The following PGM2 variants were observed in gnomAD, a reference collection of about 807,000 sequenced individuals.
PGM2 encodes the protein phosphoglucomutase 2, also known as phosphopentomutase.
PGM2 carries 57 observed loss-of-function variants against 74.6 expected under a neutral mutation model. The observed-to-expected ratio is 0.76, with a 90% CI of 0.62 to 0.95. PGM2 has a LOEUF of 0.95. Ranked by LOEUF, PGM2 falls within the 40% of genes least tolerant of loss-of-function variation. The pLI, the probability that PGM2 is intolerant of heterozygous loss-of-function variation, is 0.00. For missense variants in PGM2, 706 were observed against 741.9 expected, an observed-to-expected ratio of 0.95 and a Z score of 0.56; for synonymous variants, 273 against 260.7, an observed-to-expected ratio of 1.05 and a Z score of -0.46.
chr4:37,850,132 C>T, intron 11 of PGM2, 52 bp from the exon 12 acceptor site: 1 of 1,044,428 alleles, frequency 9.6e-7, no homozygotes. Flanking sequence ...TCTGTGTCCA[C>T]CCTACAAAAT....
At chr4:37,827,534 G>C (rs1173976744) in intron 1 of PGM2, among the ~76,000 whole-genome samples, 1 of 151,960 alleles carries the variant, frequency 6.6e-6, no homozygotes, top group African/African-American at 2.4e-5. Flanking sequence ...CTGCTCTCCT[G>C]CTGAACTTGT....
At chr4:37,838,091 C>T (rs771088793) in intron 4 of PGM2, among the ~76,000 whole-genome samples, 1 of 152,122 alleles carries the variant, frequency 6.6e-6, no homozygotes, top group Non-Finnish European at 1.5e-5. Flanking sequence ...ACGTTGGCCA[C>T]GCTAGTCTCG....
intron 12 of PGM2, among the ~76,000 whole-genome samples, chr4:37,853,671 C>T (rs180880855): frequency 6.6e-6 from 1 of 152,124 alleles, no homozygotes; most frequent in African/African-American, 2.4e-5. Flanking sequence ...AGGGGATCCC[C>T]CTGATTTAAT....
At position 37,837,534 on chromosome 4, in the gene PGM2, C is replaced by T. The variant is rs746878882; in HGVS notation, c.362C>T (p.Ala121Val). 30 of 1,608,456 alleles carry T rather than the reference C, an allele frequency of 1.9e-5. No homozygotes were observed. In the South Asian group the frequency reaches 3.3e-4, roughly 18 times the overall value. ...CTGTCACTCTGCATTCTCAGGTTTGCCCGACTTGCTGCAACCACATTTATC... is the reference window on the plus strand; with the variant it reads ...CTGTCACTCTGCATTCTCAGGTTTGTCCGACTTGCTGCAACCACATTTATC... ...PSSGGSSRRF[A>V]RLAATTFISQ... The change falls in exon 4 of 14, where the codon GCC (alanine) becomes GTC (valine). Residue 121 changes from alanine to valine, a missense_variant. Physicochemically the swap from Ala to Val is moderately conservative, Grantham distance 64 (BLOSUM62 0). Around this residue, in one of 3 missense-constraint regions of PGM2, gnomAD observed 332 missense variants for 334.9 expected, o/e 0.99. Coordinates refer to ENST00000381967, the MANE Select transcript of PGM2 (RefSeq NM_018290.4).
At chr4:37,827,943 T>G (rs1440081760) in intron 1 of PGM2, among the ~76,000 whole-genome samples, 2 of 152,188 alleles carry the variant, frequency 1.3e-5, no homozygotes, top group African/African-American at 4.8e-5. Context: ...TCTCACTACC[T>G]TGGTTTGTAG....
chr4:37,849,494 C>T (rs1725976665), intron 11 of PGM2, among the ~76,000 whole-genome samples: 1 of 145,260 alleles, frequency 6.9e-6, no homozygotes, highest in Middle Eastern at 3.6e-3. Flanking sequence ...TTACTGCAAC[C>T]TCTGCCTCCT....
chr4:37,853,975 C>T (rs1376126895), intron 12 of PGM2, among the ~76,000 whole-genome samples: 6 of 152,212 alleles, frequency 3.9e-5, no homozygotes, highest in Non-Finnish European at 5.9e-5. Flanking sequence ...TCCACCCCTG[C>T]CTCACATCTG....
At chr4:37,837,107 G>A (rs929546708) in intron 3 of PGM2, among the ~76,000 whole-genome samples, 2 of 152,154 alleles carry the variant, frequency 1.3e-5, no homozygotes, top group Non-Finnish European at 2.9e-5. Flanking sequence ...CCTACTAGCT[G>A]CCAGTAGCAA....
intron 3 of PGM2, among the ~76,000 whole-genome samples, chr4:37,836,610 A>T (rs1312681595): frequency 6.6e-6 from 1 of 152,192 alleles, no homozygotes; most frequent in Non-Finnish European, 1.5e-5. Context: ...CGGCGAAGCT[A>T]GTGCCCAAGA....
intron 13 of PGM2, among the ~76,000 whole-genome samples, chr4:37,857,846 A>G (rs954626864): frequency 1.3e-5 from 2 of 152,312 alleles, no homozygotes; most frequent in African/African-American, 4.8e-5. Flanking sequence ...TTTCGTGTGC[A>G]TTAGATAGTA....
intron 12 of PGM2, among the ~76,000 whole-genome samples, chr4:37,854,698 T>A (rs1157510310): frequency 6.6e-6 from 1 of 151,824 alleles, no homozygotes; most frequent in African/African-American, 2.4e-5. Context: ...AAAAACTCCT[T>A]ATGGAATTTT....
At chr4:37,843,674 A>G (rs867089839) in intron 6 of PGM2, among the ~76,000 whole-genome samples, 3 of 151,510 alleles carry the variant, frequency 2.0e-5, no homozygotes, top group Admixed American at 6.6e-5. Flanking sequence ...CAGTGGCACA[A>G]TCTCGGCTCA....
intron 12 of PGM2, among the ~76,000 whole-genome samples, chr4:37,851,978 T>TTTTTTTTTTTTTTTGTG (rs1434216572): frequency 6.8e-6 from 1 of 147,696 alleles, no homozygotes; most frequent in African/African-American, 2.5e-5. Context: ...TTCTTTTTTT[T>TTTTTTTTTTTTTTTGTG]TGGAGACAGG....
chr4:37,854,295 A>G (rs531646014), intron 12 of PGM2, among the ~76,000 whole-genome samples: 3 of 152,098 alleles, frequency 2.0e-5, no homozygotes, highest in South Asian at 4.2e-4. Flanking sequence ...TTCTTTTCTA[A>G]CCAGTAAATT....
Position 37,855,687 on chromosome 4 carries a change from G to A in PGM2, c.1682G>A (p.Gly561Glu). ...GGCGTGGCCACCATGCGCACCAGTG[G>A]GACAGAGCCCAAAATCAAGTACTAT... ...NGGVATMRTSGTEPKIKYYAE... is the reference protein window; with the variant it reads ...NGGVATMRTSETEPKIKYYAE... The change falls in exon 13 of 14, where the codon GGG (glycine) becomes GAG (glutamate). Residue 561 changes from glycine to glutamate, a missense_variant. By Grantham distance (98) the Gly-to-Glu change is moderately conservative. Around this residue, in one of 3 missense-constraint regions of PGM2, gnomAD observed 359 missense variants for 371.1 expected, o/e 0.97. Coordinates refer to ENST00000381967, the MANE Select transcript of PGM2 (RefSeq NM_018290.4). The A allele has an allele frequency of 6.2e-7, 1 of 1,614,100 alleles. No individual in the cohort carries two copies. The highest frequency in any genetic ancestry group is 8.5e-7 in the Non-Finnish European group (1 of 1,179,990).
At chr4:37,859,666 A>G (rs376720416) in intron 13 of PGM2, among the ~76,000 whole-genome samples, 3 of 152,170 alleles carry the variant, frequency 2.0e-5, no homozygotes, top group African/African-American at 7.2e-5. Flanking sequence ...TGGAGACACT[A>G]TCCTAGCCAA....
chr4:37,854,755 G>GT (rs554379452), intron 12 of PGM2, among the ~76,000 whole-genome samples: 200 of 150,682 alleles, frequency 1.3e-3, no homozygotes, highest in African/African-American at 4.4e-3. Flanking sequence ...CTAGTTTGAG[G>GT]TTTTTTTTTG....
At chr4:37,849,467 AG>A (rs1725975971) in intron 11 of PGM2, among the ~76,000 whole-genome samples, 1 of 127,858 alleles carries the variant, frequency 7.8e-6, no homozygotes, top group East Asian at 2.4e-4. Flanking sequence ...GCTGGAGTGC[AG>A]TGGTGTGATC....
At chr4:37,834,224 C>A (rs1021010857) in intron 2 of PGM2, among the ~76,000 whole-genome samples, 1 of 139,702 alleles carries the variant, frequency 7.2e-6, no homozygotes, top group Non-Finnish European at 1.5e-5. Flanking sequence ...GTCCTAGCTT[C>A]TCAGGAGGCT....
Sources: gnomAD v4.1 joint callset for allele counts (sites outside exome capture counted in the v4.1 genomes callset) on GRCh38, gnomAD v4.1.1 for gene constraint, gnomAD v4.1.1 regional missense constraint, MANE v1.5 for transcripts, NCBI Gene and HGNC (gene_info 2026-07-23, HGNC 2026-07-21) for gene names.